Variants in SPATS2 observed in about 807,000 individuals in gnomAD.
The protein encoded by SPATS2 is spermatogenesis-associated serine-rich protein 2.
A neutral mutation model predicts 63.7 loss-of-function variants in SPATS2; 38 were observed. That is an observed-to-expected ratio of 0.60 (90% confidence interval 0.46 to 0.78). The LOEUF is 0.78. Ranked by LOEUF, SPATS2 falls within the 30% of genes least tolerant of loss-of-function variation. SPATS2 has a pLI of 0.00. For missense variants in SPATS2, 588 were observed against 666.2 expected (o/e 0.88, Z 1.29); for synonymous variants, 207 against 232.9 (o/e 0.89, Z 1.01).
Position 49,438,711 on chromosome 12 carries a change from G to A in SPATS2, c.-243-22059G>A, listed in dbSNP as rs528537194. ...TCAAATTTTAAGTATAACATATACA[G>A]CAAAATGCACACATTTAAGTGTATG... is the stretch of plus-strand genomic sequence containing the variant. On this transcript the variant is annotated intron_variant, in intron 2 of 13. Coordinates refer to ENST00000552918, the MANE Select transcript of SPATS2 (RefSeq NM_023071.4). Among the ~76,000 whole-genome samples, 30 of 152,266 alleles carry A rather than the reference G, an allele frequency of 2.0e-4. No homozygotes were observed. In the South Asian group the frequency reaches 4.6e-3, roughly 23 times the overall value.
rs202174689 is a variant in SPATS2 at position 49,481,941 on chromosome 12, A to G, written c.26-2649A>G. ...ATGAAATCCTGCCTTATTTCTTACC[A>G]ATAGAATTAGGTAAATCTTAAGCTT... is the stretch of plus-strand genomic sequence containing the variant. On this transcript the variant is annotated intron_variant, in intron 3 of 13. Transcript: ENST00000552918. Among the ~76,000 whole-genome samples, 4 of 152,198 alleles carry G rather than the reference A, an allele frequency of 2.6e-5. No individual in the cohort carries two copies. The East Asian group carries it at 7.7e-4, about 29-fold the overall frequency.
chr12:49,505,926 A>G (rs1489840491), intron 9 of SPATS2, among the ~76,000 whole-genome samples: 1 of 152,192 alleles, frequency 6.6e-6, no homozygotes, highest in East Asian at 1.9e-4. Flanking sequence ...CCTACTTATG[A>G]TGGTTCAACT....
chr12:49,477,701 A>AT (rs1946141749), intron 3 of SPATS2, among the ~76,000 whole-genome samples: 2 of 152,234 alleles, frequency 1.3e-5, no homozygotes, highest in South Asian at 4.1e-4. Context: ...AGCACACTAT[A>AT]GTAATATTAA....
intron 4 of SPATS2, among the ~76,000 whole-genome samples, chr12:49,485,508 T>C (rs1057222954): frequency 1.3e-5 from 2 of 151,630 alleles, no homozygotes; most frequent in Non-Finnish European, 2.9e-5. Context: ...ATTACAGGCG[T>C]GCATCATCAC....
At chr12:49,478,884 C>T (rs1166789326) in intron 3 of SPATS2, among the ~76,000 whole-genome samples, 1 of 152,154 alleles carries the variant, frequency 6.6e-6, no homozygotes, top group South Asian at 2.1e-4. Flanking sequence ...GGAAGGTGAA[C>T]AAGATGAAAG....
At chr12:49,389,409 C>T (rs1032683662) in intron 2 of SPATS2, 1 of 586,962 alleles carries the variant, frequency 1.7e-6, no homozygotes, top group Non-Finnish European at 3.1e-6. Context: ...ATTAGGGGCG[C>T]GGAGTCTCTT....
intron 3 of SPATS2, chr12:49,469,595 A>C (rs1180690232): frequency 4.7e-6 from 2 of 423,632 alleles, no homozygotes; most frequent in Non-Finnish European, 4.6e-6. Context: ...AACTTTTCAC[A>C]GCTGAGAAAT....
intron 4 of SPATS2, among the ~76,000 whole-genome samples, chr12:49,488,043 A>G (rs1299777753): frequency 6.7e-6 from 1 of 150,086 alleles, no homozygotes; most frequent in Non-Finnish European, 1.5e-5. Flanking sequence ...ATTATTTTTC[A>G]TCCTGTATTT....
In SPATS2 at chr12:49,371,304, T is replaced by TA. The variant is rs1943993634; in HGVS notation, c.-244+15dup. On this transcript the variant is annotated intron_variant, in intron 2 of 13. Coordinates refer to ENST00000552918, the MANE Select transcript of SPATS2 (RefSeq NM_023071.4). The stretch of plus-strand genomic sequence containing the variant: ...GTTACCTCATATGTAAGTGGAATCA[T>TA]ACAATATTTACTTTTTTGTGTCTGG... The TA allele has an allele frequency of 6.6e-6, 1 of 152,262 alleles. No homozygotes were observed. The allele number at this position is 152,262 out of a possible 1,614,324, so 9.4% of individuals were successfully genotyped here.
At chr12:49,400,688 A>C (rs1355906783) in intron 2 of SPATS2, among the ~76,000 whole-genome samples, 1 of 152,172 alleles carries the variant, frequency 6.6e-6, no homozygotes, top group African/African-American at 2.4e-5. Context: ...AGGAGTAAGC[A>C]TGGACGAGGA....
At chr12:49,426,892 T>C (rs57110900) in intron 2 of SPATS2, among the ~76,000 whole-genome samples, 5,347 of 152,272 alleles carry the variant, frequency 0.035, 342 homozygotes, top group African/African-American at 0.12. Context: ...CATTCTGTAG[T>C]TGATTGATGT....
chr12:49,437,893 C>T (rs1945345514), intron 2 of SPATS2, among the ~76,000 whole-genome samples: 1 of 152,074 alleles, frequency 6.6e-6, no homozygotes, highest in African/African-American at 2.4e-5. Flanking sequence ...TGAATGGTTT[C>T]TTATGTACAA....
intron 9 of SPATS2, among the ~76,000 whole-genome samples, chr12:49,511,760 A>G (rs1403921065): frequency 1.3e-5 from 2 of 152,122 alleles, no homozygotes; most frequent in Non-Finnish European, 2.9e-5. Flanking sequence ...TTGTGTTACA[A>G]TAGATTATTG....
At chr12:49,444,394 T>C (rs1209982631) in intron 2 of SPATS2, among the ~76,000 whole-genome samples, 1 of 151,974 alleles carries the variant, frequency 6.6e-6, no homozygotes, top group East Asian at 1.9e-4. Context: ...ATTTAAATTT[T>C]TTTTTGTAGA....
At chr12:49,400,109 C>CT (rs1309731147) in intron 2 of SPATS2, among the ~76,000 whole-genome samples, 36 of 152,208 alleles carry the variant, frequency 2.4e-4, no homozygotes, top group African/African-American at 8.4e-4. Flanking sequence ...ACAGACCTCT[C>CT]TGTCTTCCTT....
chr12:49,439,433 A>G (rs946771595), intron 2 of SPATS2, among the ~76,000 whole-genome samples: 1 of 152,218 alleles, frequency 6.6e-6, no homozygotes, highest in African/African-American at 2.4e-5. Flanking sequence ...TCAGGAAGCT[A>G]TGATAATAGC....
intron 11 of SPATS2, among the ~76,000 whole-genome samples, chr12:49,521,457 G>A (rs548647469): frequency 6.6e-6 from 1 of 151,882 alleles, no homozygotes; most frequent in African/African-American, 2.4e-5. Flanking sequence ...AAATTTTATA[G>A]AAAGGCCTCC....
At chr12:49,432,014 G>A (rs1190059572) in intron 2 of SPATS2, among the ~76,000 whole-genome samples, 1 of 152,102 alleles carries the variant, frequency 6.6e-6, no homozygotes, top group Non-Finnish European at 1.5e-5. Context: ...TTGTCTTCCT[G>A]GGTCAAATAA....
chr12:49,428,653 T>A (rs1945126289), intron 2 of SPATS2, among the ~76,000 whole-genome samples: 1 of 152,254 alleles, frequency 6.6e-6, no homozygotes, highest in African/African-American at 2.4e-5. Flanking sequence ...CATAATTTTT[T>A]ATCATCAGTA....
Sources: gnomAD v4.1 joint callset for allele counts (sites outside exome capture counted in the v4.1 genomes callset) on GRCh38, gnomAD v4.1.1 for gene constraint, MANE v1.5 for transcripts, NCBI Gene and HGNC (gene_info 2026-07-23, HGNC 2026-07-21) for gene names.